Variants in CLP1 observed in about 807,000 individuals in gnomAD.
CLP1 encodes polyribonucleotide 5'-hydroxyl-kinase Clp1.
In CLP1, 18 loss-of-function variants were observed where a neutral mutation model predicts 29.9. The ratio of observed to expected loss-of-function variants is 0.60; its 90% confidence interval spans 0.42 to 0.89. The LOEUF is 0.89. CLP1 is among the 40% of genes least tolerant of loss of function. The pLI is 0.00. For synonymous variants in CLP1, 162 were observed against 206.2 expected (o/e 0.79, Z 1.84); for missense variants, 357 against 544.8 (o/e 0.66, Z 3.43).
In CLP1 at chr11:57,659,997, T is replaced by G. The variant is rs1306699087; in HGVS notation, c.521T>G (p.Val174Gly). ...CTCTACATCGAGCGGCCTGCAGATG[T>G]CGAAGAGGGTTTCTCTATCCAGGCC... ...GALYIERPADVEEGFSIQAPL... is the reference protein window; with the variant it reads ...GALYIERPADGEEGFSIQAPL... Residue 174 changes from valine (V) to glycine (G), a missense_variant, in exon 2 of 3, where the codon GTC (valine) becomes GGC (glycine). Transcript: ENST00000533682. 1 of 1,613,212 alleles carries G rather than the reference T, an allele frequency of 6.2e-7. No individual in the cohort carries two copies. Among genetic ancestry groups the G allele is most frequent in the East Asian group, 2.2e-5 (1 of 44,876 alleles).
In CLP1 at chr11:57,661,460, C is replaced by T. The variant is rs575654519; in HGVS notation, c.*24C>T. 6.3e-7 allele frequency: 1 copy of T among 1,577,984 alleles called. No individual in the cohort carries two copies. The highest frequency in any genetic ancestry group is 1.2e-5 in the South Asian group (1 of 85,318). ...AGAGATCAGCAGGAAGCCTTGCTGCCTGGGACATAGAGATCATCTGGCCAC... is the reference window on the plus strand; with the variant it reads ...AGAGATCAGCAGGAAGCCTTGCTGCTTGGGACATAGAGATCATCTGGCCAC... On this transcript the variant is annotated 3_prime_UTR_variant, in exon 3 of 3. Transcript: ENST00000533682.
chr11:57,658,181 T>C (rs1945839395), intron 1 of CLP1, among the ~76,000 whole-genome samples: 1 of 152,224 alleles, frequency 6.6e-6, no homozygotes, highest in African/African-American at 2.4e-5. Context: ...AAGACACTAC[T>C]AGTAGTTACA....
At position 57,657,826 on chromosome 11, in the gene CLP1, T is replaced by C. The variant is rs1354378193; in HGVS notation, c.-57T>C. 1 of 152,384 alleles carries C rather than the reference T, an allele frequency of 6.6e-6. No individual in the cohort carries two copies. The highest frequency in any genetic ancestry group is 6.5e-5 in the Admixed American group (1 of 15,300). 9.4% of individuals were successfully genotyped at this position (152,384 alleles called of 1,614,324 possible). On this transcript the variant is annotated 5_prime_UTR_variant, in exon 1 of 3. Transcript: ENST00000533682. ...GGTTTAAATTCTGCACGGGAGGACC[T>C]TCTGAGTTTACCTGTTGGGCTCCTG...
chr11:57,660,116 G>T lies in CLP1; in HGVS notation c.606+34G>T, dbSNP rs773335184. On this transcript the variant is annotated intron_variant, in intron 2 of 2. Coordinates refer to ENST00000533682, the MANE Select transcript of CLP1 (RefSeq NM_006831.3). ...CAGAGAAAGGTGGGGTGGAGGGAAG[G>T]GCTGCTATCAGGGTAGGAAACTGGA... 3 of 1,523,056 alleles carry T rather than the reference G, an allele frequency of 2.0e-6. No individual in the cohort carries two copies. The East Asian group carries it at 6.8e-5, about 35-fold the overall frequency. 94.3% of individuals were successfully genotyped at this position (1,523,056 alleles called of 1,614,324 possible).
In CLP1 at chr11:57,661,008, G is replaced by C; in HGVS notation, c.850G>C (p.Gly284Arg). 6.2e-7 allele frequency: 1 copy of C among 1,614,218 alleles called. No individual in the cohort carries two copies. The highest frequency in any genetic ancestry group is 1.3e-5 in the African/African-American group (1 of 75,058). Residue 284 changes from glycine (G) to arginine (R), a missense_variant, in exon 3 of 3, where the codon GGT becomes CGT. Transcript: ENST00000533682. ...VRTVLLPKSGGVVERSKDFRR... is the reference protein window; with the variant it reads ...VRTVLLPKSGRVVERSKDFRR... ...CACTGTGCTGCTCCCTAAATCTGGG[G>C]GTGTGGTGGAGCGCTCCAAGGACTT...
chr11:57,660,603 G>C (rs1047144566), intron 2 of CLP1, among the ~76,000 whole-genome samples, 162 bp from the exon 3 acceptor site: 3 of 152,148 alleles, frequency 2.0e-5, no homozygotes, highest in Non-Finnish European at 2.9e-5. Context: ...GCAGTGAGCT[G>C]AGATCGTGCC....
rs1329885911 is a variant in CLP1 at position 57,660,900 on chromosome 11, G to C, written c.742G>C (p.Ala248Pro). 6.2e-7 allele frequency: 1 copy of C among 1,614,196 alleles called. No homozygotes were observed. The highest frequency in any genetic ancestry group is 1.3e-5 in the African/African-American group (1 of 75,052). Residue 248 changes from alanine to proline, a missense_variant, in exon 3 of 3, where the codon GCT becomes CCT. By Grantham distance (27) the Ala-to-Pro change is conservative. Transcript: ENST00000533682. ...CCAGGCTCTGGTGCATGCAGCCTCA[G>C]CTTTTGAGGTGGATGTCGTTGTTGT... is the stretch of plus-strand genomic sequence containing the variant. Reference protein sequence around the residue: ...GYQALVHAASAFEVDVVVVLD... With the variant: ...GYQALVHAASPFEVDVVVVLD...
rs1590847175 is a variant in CLP1, at chr11:57,659,468, A to G, written c.-9A>G. 6.2e-7 allele frequency: 1 copy of G among 1,614,008 alleles called. No individual in the cohort carries two copies. Among genetic ancestry groups the G allele is most frequent in the Middle Eastern group, 1.6e-4 (1 of 6,062 alleles). ...TTTGTGTTCTAGGCACAGCAGCTAC[A>G]CAGAAGAGATGGGAGAAGAGGCTAA... On this transcript the variant is annotated 5_prime_UTR_variant, in exon 2 of 3. Transcript: ENST00000533682.
chr11:57,659,506 G>A lies in CLP1; in HGVS notation c.30G>A (p.Lys10=). ...GAGAAGAGGCTAATGATGACAAGAA[G>A]CCAACCACTAAATTTGAACTAGAGC... is the stretch of plus-strand genomic sequence containing the variant. MGEEANDDK[K]PTTKFELERE... The change falls in exon 2 of 3, where the codon AAG becomes AAA. Residue 10 remains lysine (K), a synonymous_variant. Coordinates refer to ENST00000533682, the MANE Select transcript of CLP1 (RefSeq NM_006831.3). The A allele has an allele frequency of 6.2e-7, 1 of 1,614,138 alleles. No individual in the cohort carries two copies. The highest frequency in any genetic ancestry group is 8.5e-7 in the Non-Finnish European group (1 of 1,180,022).
At chr11:57,658,850 A>T (rs192409664) in intron 1 of CLP1, among the ~76,000 whole-genome samples, 1 of 152,126 alleles carries the variant, frequency 6.6e-6, no homozygotes, top group Admixed American at 6.6e-5. Context: ...ATGTTGGCCA[A>T]GCTGGTCTTG....
chr11:57,658,259 C>G (rs1945840066), intron 1 of CLP1, among the ~76,000 whole-genome samples: 1 of 152,280 alleles, frequency 6.6e-6, no homozygotes, highest in African/African-American at 2.4e-5. Context: ...GTATTTCAGA[C>G]GCCCTTTCCT....
chr11:57,661,144 T>A lies in CLP1; in HGVS notation c.986T>A (p.Val329Asp). The A allele has an allele frequency of 6.2e-7, 1 of 1,614,196 alleles. No homozygotes were observed. Among genetic ancestry groups the A allele is most frequent in the Non-Finnish European group, 8.5e-7 (1 of 1,180,032 alleles). ...VKFSDVKIYK[V>D]GAPTIPDSCL... ...TTTTCAGATGTGAAAATCTACAAAG[T>A]TGGGGCACCCACCATCCCAGACTCC... Residue 329 changes from valine (V) to aspartate (D), a missense_variant, in exon 3 of 3, where the codon GTT becomes GAT. Physicochemically the swap from Val to Asp is radical, Grantham distance 152 (BLOSUM62 -3). Coordinates refer to ENST00000533682, the MANE Select transcript of CLP1 (RefSeq NM_006831.3).
intron 1 of CLP1, among the ~76,000 whole-genome samples, chr11:57,659,177 G>C (rs538073788): frequency 3.3e-5 from 5 of 150,698 alleles, no homozygotes; most frequent in African/African-American, 1.2e-4. Flanking sequence ...TCTGCCACCT[G>C]GGTTCAAGCG....
At chr11:57,659,314 C>T (rs1945851128) in intron 1 of CLP1, 141 bp from the exon 2 acceptor site, 1 of 719,424 alleles carries the variant, frequency 1.4e-6, no homozygotes, top group African/African-American at 1.8e-5. Context: ...GTCTTGAACT[C>T]CTGACCTCAA....
In CLP1 at chr11:57,659,522, G is replaced by A. The variant is rs775238504; in HGVS notation, c.46G>A (p.Glu16Lys). 6.2e-7 allele frequency: 1 copy of A among 1,614,164 alleles called. No homozygotes were observed. The highest frequency in any genetic ancestry group is 1.1e-5 in the South Asian group (1 of 91,084). The change falls in exon 2 of 3, where the codon GAA (glutamate) becomes AAA (lysine). Residue 16 changes from glutamate to lysine, a missense_variant. Physicochemically the swap from Glu to Lys is moderately conservative, Grantham distance 56 (BLOSUM62 1). Coordinates refer to ENST00000533682, the MANE Select transcript of CLP1 (RefSeq NM_006831.3). Reference sequence around the variant, plus strand: ...TGACAAGAAGCCAACCACTAAATTTGAACTAGAGCGAGAAACAGAACTTCG... The same window carrying A: ...TGACAAGAAGCCAACCACTAAATTTAAACTAGAGCGAGAAACAGAACTTCG... Reference protein sequence around the residue: ...NDDKKPTTKFELERETELRFE... With the variant: ...NDDKKPTTKFKLERETELRFE...
At position 57,661,538 on chromosome 11, in the gene CLP1, A is replaced by G; in HGVS notation, c.*102A>G. 2.2e-6 allele frequency: 2 copies of G among 927,000 alleles called. No individual in the cohort carries two copies. Among genetic ancestry groups the G allele is most frequent in the Non-Finnish European group, 1.6e-6 (1 of 608,972 alleles). 57.4% of individuals were successfully genotyped at this position (927,000 alleles called of 1,614,324 possible). A position where few individuals can be genotyped will look rare whatever the true frequency, so the allele number is the denominator to read the frequency against. On this transcript the variant is annotated 3_prime_UTR_variant, in exon 3 of 3. Transcript: ENST00000533682. ...AGACTGTTGGGGCCACCTGACCAGT[A>G]AACTGTGGACTAGTAGAAAGTTCAT... is the stretch of plus-strand genomic sequence containing the variant.
chr11:57,659,298 A>G, intron 1 of CLP1, 157 bp from the exon 2 acceptor site: 1 of 647,742 alleles, frequency 1.5e-6, no homozygotes, highest in South Asian at 2.0e-5. Context: ...CATGTTGGCC[A>G]GGCTAGTCTT....
rs113003927 is a variant in CLP1, at chr11:57,661,839, T to C, written c.*403T>C. 2.1e-3 allele frequency: 421 copies of C among 202,124 alleles called. No homozygotes were observed. The highest frequency in any genetic ancestry group is 3.5e-3 in the Non-Finnish European group (351 of 99,028). 12.5% of individuals were successfully genotyped at this position (202,124 alleles called of 1,614,324 possible). The stretch of plus-strand genomic sequence containing the variant: ...AAAGTTCAAACTTAAAAAAAATCAT[T>C]TTAATAAATATTTTTGCCATATCAT... On this transcript the variant is annotated 3_prime_UTR_variant, in exon 3 of 3. Transcript: ENST00000533682.
At position 57,661,193 on chromosome 11, in the gene CLP1, A is replaced by G. The variant is rs1296411915; in HGVS notation, c.1035A>G (p.Gln345=). The G allele has an allele frequency of 5.6e-6, 9 of 1,614,076 alleles. No homozygotes were observed. The highest frequency in any genetic ancestry group is 6.8e-6 in the Non-Finnish European group (8 of 1,180,034). ...CCTGTTTACCTTTGGGCATGTCTCA[A>G]GAGGATAATCAGCTCAAGCTAGTAC... ...PDSCLPLGMS[Q]EDNQLKLVPV... The change falls in exon 3 of 3, where the codon CAA becomes CAG. Residue 345 remains glutamine, a synonymous_variant. Coordinates refer to ENST00000533682, the MANE Select transcript of CLP1 (RefSeq NM_006831.3).
Sources: allele counts gnomAD v4.1 joint callset (sites outside exome capture counted in the v4.1 genomes callset), GRCh38; gene constraint gnomAD v4.1.1; transcripts MANE v1.5; gene names NCBI Gene and HGNC (gene_info 2026-07-23, HGNC 2026-07-21).